Variants in DCDC1 observed in about 807,000 individuals in gnomAD.
DCDC1 encodes the protein doublecortin domain containing 1.
In DCDC1, 200 loss-of-function variants were observed where a neutral mutation model predicts 178.3. The ratio of observed to expected loss-of-function variants is 1.12; its 90% CI spans 1.00 to 1.26. The LOEUF is 1.26. DCDC1 is among the 50% of genes most tolerant of loss of function. The probability of loss-of-function intolerance (pLI) is 0.00; values close to 1 mark genes in which losing one functional copy is unlikely to be tolerated. For missense variants in DCDC1, 1,983 were observed against 1,749.2 expected, an observed-to-expected ratio of 1.13 and a Z score of -2.38; for synonymous variants, 690 against 604.8, an observed-to-expected ratio of 1.14 and a Z score of -2.07.
intron 13 of DCDC1, 84 bp downstream of exon 13, chr11:31,106,713 G>A: frequency 1.4e-6 from 1 of 725,712 alleles, no homozygotes; most frequent in Non-Finnish European, 2.5e-6. Context: ...TTCATGAAGG[G>A]TGCTACTTGA....
At chr11:31,236,740 G>A (rs1019781496) in intron 9 of DCDC1, among the ~76,000 whole-genome samples, 5 of 151,540 alleles carry the variant, frequency 3.3e-5, no homozygotes, top group African/African-American at 9.7e-5. Flanking sequence ...TTTTCATCTC[G>A]AAATGACTAT....
chr11:31,065,149 T>C lies in DCDC1; in HGVS notation c.2303A>G (p.Tyr768Cys). ...GTDGCIYSKA[Y>C]PQFVLTYLEE... The stretch of plus-strand genomic sequence containing the variant: ...TAGGTAGGTCAGAACAAACTGAGGA[T>C]AAGCCTGTAAGAAAGGAAAAAATAA... The change falls in exon 19 of 39, where the codon TAT becomes TGT. Residue 768 changes from tyrosine to cysteine, a missense_variant. By Grantham distance (194) the Tyr-to-Cys change is radical (BLOSUM62 -2). Transcript: ENST00000684477. 1 of 746,214 alleles carries C rather than the reference T, an allele frequency of 1.3e-6. No homozygotes were observed. Among genetic ancestry groups the C allele is most frequent in the South Asian group, 1.4e-5 (1 of 70,958 alleles). 46.2% of individuals were successfully genotyped at this position (746,214 alleles called of 1,614,324 possible).
chr11:31,075,080 T>C (rs1956787212), intron 18 of DCDC1, among the ~76,000 whole-genome samples: 1 of 152,176 alleles, frequency 6.6e-6, no homozygotes, highest in African/African-American at 2.4e-5. Flanking sequence ...CCAATATCTA[T>C]CATTCTACAC....
intron 38 of DCDC1, among the ~76,000 whole-genome samples, chr11:30,869,726 GA>G (rs1258007450): frequency 1.3e-5 from 2 of 152,132 alleles, no homozygotes; most frequent in African/African-American, 2.4e-5. Flanking sequence ...GGGGAATGGG[GA>G]AAAGTTTAGC....
At chr11:30,897,582 C>CAAAAAAAAAAAAAAAAAA (rs35815662) in intron 34 of DCDC1, among the ~76,000 whole-genome samples, 1 of 72,958 alleles carries the variant, frequency 1.4e-5, no homozygotes, top group Non-Finnish European at 2.6e-5. Flanking sequence ...GACTCCGTCT[C>CAAAAAAAAAAAAAAAAAA]AAAAAAAAAA....
In DCDC1 at chr11:31,165,847, C is replaced by T. The variant is rs144571927; in HGVS notation, c.1222-28063G>A. Reference sequence around the variant, plus strand: ...GTTCTGCATGTAAAAATCTCTATAACAAGCTTGATTATTTTATTATTCATG... The same window carrying T: ...GTTCTGCATGTAAAAATCTCTATAATAAGCTTGATTATTTTATTATTCATG... On this transcript the variant is annotated intron_variant, in intron 9 of 38. Transcript: ENST00000684477. Among the ~76,000 whole-genome samples, 3 of 152,258 alleles carry T rather than the reference C, an allele frequency of 2.0e-5. No homozygotes were observed. The East Asian group carries it at 5.8e-4, about 29-fold the overall frequency.
At chr11:31,224,301 C>T (rs1974648774) in intron 9 of DCDC1, among the ~76,000 whole-genome samples, 1 of 151,872 alleles carries the variant, frequency 6.6e-6, no homozygotes, top group South Asian at 2.1e-4. Context: ...GGATAACTAG[C>T]AAGCCACATG....
At chr11:31,202,232 T>A (rs1205149710) in intron 9 of DCDC1, among the ~76,000 whole-genome samples, 1 of 152,130 alleles carries the variant, frequency 6.6e-6, no homozygotes, top group Non-Finnish European at 1.5e-5. Context: ...ATACTAGCCA[T>A]TCTCTTTTAA....
chr11:30,896,933 A>G lies in DCDC1; in HGVS notation c.4766-2549T>C, dbSNP rs75156430. ...ATATGCTCAATAAATGCTTGTTGCA[A>G]TTACCAATGGCTATAATATAGAATA... On this transcript the variant is annotated intron_variant, in intron 34 of 38. Transcript: ENST00000684477. Among the ~76,000 whole-genome samples the G allele has an allele frequency of 4.0e-3, 612 of 152,300 alleles. 1 individual carries two copies. Among genetic ancestry groups the G allele is most frequent in the African/African-American group, 0.014 (589 of 41,548 alleles).
chr11:30,943,002 A>G (rs1947761079), intron 21 of DCDC1, among the ~76,000 whole-genome samples: 1 of 152,170 alleles, frequency 6.6e-6, no homozygotes, highest in Admixed American at 6.5e-5. Context: ...AAGGACAACA[A>G]AAAGTACAGA....
intron 8 of DCDC1, among the ~76,000 whole-genome samples, chr11:31,243,492 CAT>C (rs1189743100): frequency 1.3e-5 from 2 of 151,626 alleles, no homozygotes; most frequent in Admixed American, 1.3e-4. Flanking sequence ...TGAATTTAAA[CAT>C]GAGAAAATTT....
At chr11:30,872,743 T>C (rs1941701456) in intron 38 of DCDC1, among the ~76,000 whole-genome samples, 1 of 152,140 alleles carries the variant, frequency 6.6e-6, no homozygotes, top group Admixed American at 6.6e-5. Flanking sequence ...GCTTTAAACA[T>C]GCCGTTCATT....
At chr11:30,963,587 C>T (rs1342410289) in intron 20 of DCDC1, among the ~76,000 whole-genome samples, 2 of 152,108 alleles carry the variant, frequency 1.3e-5, no homozygotes, top group Non-Finnish European at 2.9e-5. Flanking sequence ...CTCCACTAGT[C>T]CCTCTTCTCC....
chr11:30,911,722 C>G (rs1257150394), intron 27 of DCDC1, among the ~76,000 whole-genome samples: 1 of 152,132 alleles, frequency 6.6e-6, no homozygotes, highest in Non-Finnish European at 1.5e-5. Context: ...GGAAGCAGGT[C>G]TCCTGGGACC....
chr11:31,244,955 C>A (rs2136927210), intron 8 of DCDC1, among the ~76,000 whole-genome samples: 1 of 151,782 alleles, frequency 6.6e-6, no homozygotes, highest in South Asian at 2.1e-4. Flanking sequence ...TAGTGAGCAT[C>A]ATAGGTAAAC....
chr11:30,885,505 T>A (rs1943084312), intron 36 of DCDC1, among the ~76,000 whole-genome samples: 1 of 151,804 alleles, frequency 6.6e-6, no homozygotes, highest in African/African-American at 2.4e-5. Flanking sequence ...ATATGAAAAA[T>A]ATATATAATA....
At chr11:30,867,622 G>A (rs1403479529) in intron 38 of DCDC1, among the ~76,000 whole-genome samples, 3 of 152,100 alleles carry the variant, frequency 2.0e-5, no homozygotes, top group Non-Finnish European at 4.4e-5. Context: ...TCTTTCCCTG[G>A]AAGGAGTGAC....
intron 3 of DCDC1, among the ~76,000 whole-genome samples, chr11:31,311,380 C>T (rs922165580): frequency 6.6e-6 from 1 of 152,152 alleles, no homozygotes; most frequent in African/African-American, 2.4e-5. Context: ...TGGGGACTTG[C>T]ATGGCCTGTC....
chr11:31,288,760 T>G (rs537560229), intron 7 of DCDC1, among the ~76,000 whole-genome samples: 1 of 152,000 alleles, frequency 6.6e-6, no homozygotes, highest in South Asian at 2.1e-4. Flanking sequence ...CTTATTTCTA[T>G]TACTGATTTG....
Sources: gnomAD v4.1 joint callset for allele counts (sites outside exome capture counted in the v4.1 genomes callset) on GRCh38, gnomAD v4.1.1 for gene constraint, MANE v1.5 for transcripts, NCBI Gene and HGNC (gene_info 2026-07-23, HGNC 2026-07-21) for gene names.